ROCK2: variants seen among roughly 807,000 people sequenced by gnomAD.
ROCK2 encodes the protein Rho associated coiled-coil containing protein kinase 2.
Under a neutral mutation model 195.1 loss-of-function variants are expected in ROCK2, and 61 were observed. That is an observed-to-expected ratio of 0.31 (90% CI 0.25 to 0.39). The LOEUF (loss-of-function observed/expected upper bound fraction) is 0.39, where lower values mean the gene tolerates loss of function less well. ROCK2 is among the 10% of genes least tolerant of loss of function. The pLI is 1.00. For missense variants in ROCK2, 1,109 were observed against 1,637.4 expected (o/e 0.68, Z 5.57); for synonymous variants, 504 against 545.5 (o/e 0.92, Z 1.06).
chr2:11,308,845 A>G, intron 1 of ROCK2: 4 of 1,611,894 alleles, frequency 2.5e-6, no homozygotes, highest in Non-Finnish European at 3.4e-6. Flanking sequence ...TAATAGAACT[A>G]TACAAGAAAC....
intron 3 of ROCK2, among the ~76,000 whole-genome samples, chr2:11,267,414 C>G (rs1666456411): frequency 6.6e-6 from 1 of 151,810 alleles, no homozygotes; most frequent in African/African-American, 2.4e-5. Context: ...TCTTTAGGCT[C>G]TTCTATAACT....
At position 11,197,749 on chromosome 2, in the gene ROCK2, T is replaced by A; in HGVS notation, c.3100-44A>T. On this transcript the variant is annotated intron_variant, in intron 25 of 32. Coordinates refer to ENST00000315872, the MANE Select transcript of ROCK2 (RefSeq NM_004850.5). This position sits in a 1 kb window ranked among gnomAD's most constrained non-coding sequence, Gnocchi z 4.9. ...AAATATAATACATAAATAAAATAAA[T>A]TACGTTTATGGTTTCTCAGTATCTC... is the stretch of plus-strand genomic sequence containing the variant. 3 of 1,328,240 alleles carry A rather than the reference T, an allele frequency of 2.3e-6. No individual in the cohort carries two copies. Among genetic ancestry groups the A allele is most frequent in the East Asian group, 5.4e-5 (2 of 37,108 alleles). 82.3% of individuals were successfully genotyped at this position (1,328,240 alleles called of 1,614,324 possible). A position where few individuals can be genotyped will look rare whatever the true frequency, so the allele number is the denominator to read the frequency against.
intron 23 of ROCK2, among the ~76,000 whole-genome samples, chr2:11,199,483 G>C (rs1408254249): frequency 6.7e-6 from 1 of 149,664 alleles, no homozygotes; most frequent in Admixed American, 6.7e-5. Flanking sequence ...CACCACACCT[G>C]GATAAAAAAA....
chr2:11,227,762 A>T (rs190251180), intron 5 of ROCK2, among the ~76,000 whole-genome samples: 414 of 152,340 alleles, frequency 2.7e-3, no homozygotes, highest in Admixed American at 5.6e-3. Context: ...CTGACCCAGG[A>T]AAAAGAATCA....
chr2:11,312,519 A>C (rs956951662), intron 1 of ROCK2, among the ~76,000 whole-genome samples: 1 of 152,130 alleles, frequency 6.6e-6, no homozygotes, highest in African/African-American at 2.4e-5. Flanking sequence ...AAGTTTATAT[A>C]ATTAATGTAA....
In ROCK2 at chr2:11,249,775, C is replaced by G; in HGVS notation, c.348G>C (p.Lys116Asn). 6.4e-7 allele frequency: 1 copy of G among 1,551,056 alleles called. No individual in the cohort carries two copies. Among genetic ancestry groups the G allele is most frequent in the Non-Finnish European group, 8.7e-7 (1 of 1,155,896 alleles). Residue 116 changes from lysine to asparagine, a missense_variant, in exon 4 of 33, where the codon AAG becomes AAC. Lys to Asn is a moderately conservative substitution (Grantham distance 94). Around this residue, in one of 6 missense-constraint regions of ROCK2, gnomAD observed 253 missense variants for 455.5 expected, o/e 0.56. Transcript: ENST00000315872. ...TACTAAGAAGCTTCATAGCATAAACCTTCTGCGATGCCTTGTGACGAACCT... is the reference window on the plus strand; with the variant it reads ...TACTAAGAAGCTTCATAGCATAAACGTTCTGCGATGCCTTGTGACGAACCT... Reference protein sequence around the residue: ...VQLVRHKASQKVYAMKLLSKF... With the variant: ...VQLVRHKASQNVYAMKLLSKF...
chr2:11,268,478 G>GT (rs35000956), intron 3 of ROCK2, among the ~76,000 whole-genome samples: 5 of 140,314 alleles, frequency 3.6e-5, no homozygotes, highest in Non-Finnish European at 7.8e-5. Flanking sequence ...GTGTGTGTGT[G>GT]TTTTTTTCCT....
intron 3 of ROCK2, among the ~76,000 whole-genome samples, chr2:11,250,002 C>T (rs2148127701): frequency 6.6e-6 from 1 of 152,216 alleles, no homozygotes; most frequent in East Asian, 1.9e-4. Context: ...ATATGTAATA[C>T]TTTTAAACAC....
intron 3 of ROCK2, among the ~76,000 whole-genome samples, chr2:11,279,567 A>G (rs749807148): frequency 4.5e-4 from 68 of 152,242 alleles, no homozygotes; most frequent in Non-Finnish European, 3.1e-4. Flanking sequence ...GAAAGAGATA[A>G]ATTCACTATC....
rs115889186 is a variant in ROCK2 at position 11,294,929 on chromosome 2, A to G, written c.142-7193T>C. Among the ~76,000 whole-genome samples the G allele has an allele frequency of 9.2e-3, 1,400 of 152,136 alleles. 16 individuals are homozygous for G. The highest frequency in any genetic ancestry group is 0.032 in the African/African-American group (1,312 of 41,494). ...CAGCCTCCAGAGGAGCTGGGACTACAGGCGCATACCACTATGCCCGGCTAC... is the reference window on the plus strand; with the variant it reads ...CAGCCTCCAGAGGAGCTGGGACTACGGGCGCATACCACTATGCCCGGCTAC... On this transcript the variant is annotated intron_variant, in intron 1 of 32. Coordinates refer to ENST00000315872, the MANE Select transcript of ROCK2 (RefSeq NM_004850.5).
intron 1 of ROCK2, among the ~76,000 whole-genome samples, chr2:11,324,668 G>T (rs768027427): frequency 2.9e-4 from 44 of 152,146 alleles, no homozygotes; most frequent in Non-Finnish European, 6.3e-4. Context: ...CTAAGTAAAA[G>T]AAGCCAATCT....
intron 1 of ROCK2, among the ~76,000 whole-genome samples, chr2:11,291,260 T>C (rs772914595): frequency 3.9e-5 from 6 of 152,204 alleles, no homozygotes; most frequent in Non-Finnish European, 5.9e-5. Flanking sequence ...TAGTATCTTA[T>C]TGTTGTTGGC....
chr2:11,198,351 C>CA (rs1393863243), intron 25 of ROCK2, 140 bp downstream of exon 25: 1 of 597,272 alleles, frequency 1.7e-6, no homozygotes, highest in African/African-American at 1.9e-5. Flanking sequence ...CTCAACCTGG[C>CA]AAAAATCAGG....
Position 11,192,459 on chromosome 2 carries a change from G to A in ROCK2, c.3941C>T (p.Pro1314Leu). ...AGTAATTTATCATTTACCTTTGCAAGGTGCTATAATCTCCTCCTTTTTGTC... is the reference window on the plus strand; with the variant it reads ...AGTAATTTATCATTTACCTTTGCAAAGTGCTATAATCTCCTCCTTTTTGTC... ...HMDKKEEIIA[P>L]CKVYYDISTA... Residue 1314 changes from proline (P) to leucine (L), a missense_variant, in exon 31 of 33, where the codon CCT becomes CTT. By Grantham distance (98) the Pro-to-Leu change is moderately conservative (BLOSUM62 -3). Around this residue, in one of 6 missense-constraint regions of ROCK2, gnomAD observed 221 missense variants for 355.1 expected, o/e 0.62. Transcript: ENST00000315872. The surrounding 1 kb of genome is among the most constrained non-coding windows in gnomAD (Gnocchi z 5.0). 6.2e-7 allele frequency: 1 copy of A among 1,613,758 alleles called. No individual in the cohort carries two copies. Among genetic ancestry groups the A allele is most frequent in the South Asian group, 1.1e-5 (1 of 91,056 alleles).
chr2:11,218,773 G>A (rs767535111), intron 10 of ROCK2, among the ~76,000 whole-genome samples, 193 bp downstream of exon 10: 6 of 152,088 alleles, frequency 3.9e-5, no homozygotes, highest in Non-Finnish European at 8.8e-5. Flanking sequence ...CTTTGTACTA[G>A]CCATCATGTC....
chr2:11,198,883 C>CTTT (rs34674935), intron 23 of ROCK2, 109 bp from the exon 24 acceptor site: 1,125 of 481,862 alleles, frequency 2.3e-3, no homozygotes, highest in East Asian at 3.1e-3. Context: ...TCTTATTTTT[C>CTTT]TTTTTTTTTT....
intron 4 of ROCK2, among the ~76,000 whole-genome samples, chr2:11,240,134 A>G (rs182795534): frequency 5.9e-5 from 9 of 152,244 alleles, no homozygotes; most frequent in South Asian, 2.1e-4. Context: ...GATTAATTAA[A>G]TCACTGGCCG....
chr2:11,269,209 C>T (rs918074550), intron 3 of ROCK2, among the ~76,000 whole-genome samples: 7 of 152,146 alleles, frequency 4.6e-5, no homozygotes, highest in Non-Finnish European at 7.3e-5. Flanking sequence ...TTTTGGATAG[C>T]TGTTTTAAAG....
At chr2:11,226,902 C>A (rs1309801113) in intron 6 of ROCK2, among the ~76,000 whole-genome samples, 3 of 116,324 alleles carry the variant, frequency 2.6e-5, no homozygotes, top group African/African-American at 6.2e-5. Context: ...CAGAGCGAGA[C>A]CCTGCCTCAG....
Sources: gnomAD v4.1 joint callset for allele counts (sites outside exome capture counted in the v4.1 genomes callset) on GRCh38, gnomAD v4.1.1 for gene constraint, gnomAD v4.1.1 regional missense constraint, Gnocchi (gnomAD v3.1) non-coding constraint, MANE v1.5 for transcripts, NCBI Gene and HGNC (gene_info 2026-07-23, HGNC 2026-07-21) for gene names.